The following ZC3H3 variants were observed in gnomAD, a reference collection of about 807,000 sequenced individuals.
ZC3H3 encodes the protein zinc finger CCCH domain-containing protein 3.
ZC3H3 carries 36 observed loss-of-function variants against 77.3 expected under a neutral mutation model. The ratio of observed to expected loss-of-function variants is 0.47; its 90% CI spans 0.36 to 0.61. ZC3H3 has a LOEUF of 0.61. Among genes scored for constraint, ZC3H3 ranks in the 20% least tolerant of loss-of-function variants. ZC3H3 has a pLI of 0.00. For synonymous variants in ZC3H3, 626 were observed against 555.2 expected, an observed-to-expected ratio of 1.13 and a Z score of -1.79; for missense variants, 1,331 against 1,312.2, an observed-to-expected ratio of 1.01 and a Z score of -0.22.
intron 4 of ZC3H3, 132 bp downstream of exon 4, chr8:143,507,614 C>T (rs1442463906): frequency 1.3e-5 from 15 of 1,116,824 alleles, no homozygotes; most frequent in Non-Finnish European, 1.7e-5. Flanking sequence ...CCCCAGCCAA[C>T]GAGCCCAACA....
At chr8:143,518,434 TC>T (rs1270844307) in intron 3 of ZC3H3, among the ~76,000 whole-genome samples, 2 of 152,200 alleles carry the variant, frequency 1.3e-5, no homozygotes, top group Non-Finnish European at 2.9e-5. Flanking sequence ...CAAGAAAGAC[TC>T]TTTGGAGAGA....
At chr8:143,515,845 T>C (rs565685453) in intron 3 of ZC3H3, among the ~76,000 whole-genome samples, 1 of 152,322 alleles carries the variant, frequency 6.6e-6, no homozygotes, top group Admixed American at 6.5e-5. Flanking sequence ...ACCGGCCGCC[T>C]CTACCTGTGC....
chr8:143,488,726 G>A (rs1288632067), intron 4 of ZC3H3, among the ~76,000 whole-genome samples: 1 of 152,222 alleles, frequency 6.6e-6, no homozygotes, highest in African/African-American at 2.4e-5. Flanking sequence ...AATCTCAAGA[G>A]ACTGGCAGAT....
chr8:143,477,233 G>C (rs1404193544), intron 4 of ZC3H3, among the ~76,000 whole-genome samples: 1 of 152,240 alleles, frequency 6.6e-6, no homozygotes, highest in Admixed American at 6.5e-5. Context: ...GAGCTGCAGT[G>C]TAAGTACAAG....
chr8:143,517,222 G>GT (rs1446165222), intron 3 of ZC3H3, among the ~76,000 whole-genome samples: 2 of 152,228 alleles, frequency 1.3e-5, no homozygotes, highest in African/African-American at 4.8e-5. Flanking sequence ...AGTTTGCTCC[G>GT]TGACAGTTGC....
chr8:143,439,161 C>G (rs990739203), intron 11 of ZC3H3, among the ~76,000 whole-genome samples: 14 of 151,932 alleles, frequency 9.2e-5, no homozygotes, highest in African/African-American at 3.4e-4. Context: ...CTCCCCGACC[C>G]CAGAGAGGCC....
intron 9 of ZC3H3, among the ~76,000 whole-genome samples, chr8:143,464,977 G>A (rs1016182742): frequency 3.3e-5 from 5 of 152,030 alleles, no homozygotes; most frequent in African/African-American, 7.3e-5. Flanking sequence ...CTGAGGCCAC[G>A]CTGCTTGTGG....
chr8:143,438,907 C>T (rs949159947), intron 11 of ZC3H3, among the ~76,000 whole-genome samples: 2 of 152,200 alleles, frequency 1.3e-5, no homozygotes, highest in Non-Finnish European at 2.9e-5. Context: ...CCTGCCCCTG[C>T]GGTGGCCGCT....
intron 9 of ZC3H3, among the ~76,000 whole-genome samples, chr8:143,455,418 C>G (rs1820090087): frequency 6.6e-6 from 1 of 151,820 alleles, no homozygotes; most frequent in Non-Finnish European, 1.5e-5. Context: ...ATCGCTTGAA[C>G]CCGGAAGGCA....
intron 4 of ZC3H3, among the ~76,000 whole-genome samples, chr8:143,492,280 A>T (rs1821228316): frequency 6.6e-6 from 1 of 152,076 alleles, no homozygotes; most frequent in Admixed American, 6.5e-5. Flanking sequence ...AAAACACCAC[A>T]GTCAGGGGAT....
intron 1 of ZC3H3, among the ~76,000 whole-genome samples, chr8:143,539,865 A>T (rs1822952082): frequency 6.6e-6 from 1 of 152,272 alleles, no homozygotes; most frequent in African/African-American, 2.4e-5. Flanking sequence ...TTCCCTGCAG[A>T]AGAGGAAACA....
In ZC3H3 at chr8:143,469,944, T is replaced by C. The variant is rs1586895253; in HGVS notation, c.1904-1285A>G. 2.0e-5 allele frequency among the ~76,000 whole-genome samples: 3 copies of C among 152,076 alleles called. No individual in the cohort carries two copies. In the East Asian group the frequency reaches 5.8e-4, roughly 29 times the overall value. On this transcript the variant is annotated intron_variant, in intron 5 of 11. Transcript: ENST00000262577. Reference sequence around the variant, plus strand: ...CAGAAATTCTGGGGACCTGAGGTGGTGACAAAGCCATCCTGGTTTAAAAAG... The same window carrying C: ...CAGAAATTCTGGGGACCTGAGGTGGCGACAAAGCCATCCTGGTTTAAAAAG...
In ZC3H3 at chr8:143,538,343, C is replaced by T. The variant is rs1233869747; in HGVS notation, c.1024G>A (p.Ala342Thr). 3.7e-6 allele frequency: 6 copies of T among 1,612,906 alleles called. No homozygotes were observed. The East Asian group carries it at 6.7e-5, about 18-fold the overall frequency. The change falls in exon 2 of 12, where the codon GCT becomes ACT. Residue 342 changes from alanine (A) to threonine (T), a missense_variant. This residue lies in a region of ZC3H3 where 978 missense variants were observed against 915.5 expected (regional missense o/e 1.07). Coordinates refer to ENST00000262577, the MANE Select transcript of ZC3H3 (RefSeq NM_015117.3). ...TTCTCCACCTTGTTTGCCATGCCAG[C>T]AGAGGCCTTGCACACATTCTCTGCA... ...VAAENVCKAS[A>T]GMANKVEKPQ... is the part of the protein sequence containing the mutation.
intron 4 of ZC3H3, among the ~76,000 whole-genome samples, chr8:143,504,325 G>A (rs1014654677): frequency 6.6e-6 from 1 of 152,138 alleles, no homozygotes; most frequent in Non-Finnish European, 1.5e-5. Flanking sequence ...GGGAGGGGAC[G>A]GGAAAAGAGG....
At chr8:143,482,359 C>T (rs555411839) in intron 4 of ZC3H3, among the ~76,000 whole-genome samples, 1 of 152,360 alleles carries the variant, frequency 6.6e-6, no homozygotes, top group South Asian at 2.1e-4. Flanking sequence ...ACCACTGCTG[C>T]ACCCCTGGCC....
intron 5 of ZC3H3, among the ~76,000 whole-genome samples, chr8:143,469,595 C>T (rs1206209957): frequency 5.3e-5 from 8 of 152,200 alleles, no homozygotes; most frequent in Non-Finnish European, 1.0e-4. Flanking sequence ...GGAGGGCGGC[C>T]TGGGAGTGCG....
intron 3 of ZC3H3, among the ~76,000 whole-genome samples, chr8:143,520,551 C>T (rs1170507592): frequency 1.3e-5 from 2 of 152,172 alleles, no homozygotes; most frequent in African/African-American, 2.4e-5. Context: ...TGGTTTCAGC[C>T]GGGCCCACCC....
At chr8:143,468,800 G>A (rs1416173656) in intron 5 of ZC3H3, 141 bp from the exon 6 acceptor site, 55 of 1,135,406 alleles carry the variant, frequency 4.8e-5, no homozygotes, top group Middle Eastern at 3.0e-4. Flanking sequence ...ACTGCCCAGA[G>A]CTCCCCTCCC....
At position 143,468,217 on chromosome 8, in the gene ZC3H3, T is replaced by C; in HGVS notation, c.2167A>G (p.Lys723Glu). 6.2e-7 allele frequency: 1 copy of C among 1,612,568 alleles called. No homozygotes were observed. Among genetic ancestry groups the C allele is most frequent in the African/African-American group, 1.3e-5 (1 of 75,028 alleles). The change falls in exon 8 of 12, where the codon AAG becomes GAG. Residue 723 changes from lysine to glutamate, a missense_variant. Physicochemically the swap from Lys to Glu is moderately conservative, Grantham distance 56 (BLOSUM62 1). Transcript: ENST00000262577. ...ACCAGCGCCGCACTCACCTTCTCCT[T>C]GGACACATGGTGGGAGAAGGGGCAG... Reference protein sequence around the residue: ...GTCPFSHHVSKEKMPVCSYFL... With the variant: ...GTCPFSHHVSEEKMPVCSYFL...
Sources: allele counts gnomAD v4.1 joint callset (sites outside exome capture counted in the v4.1 genomes callset), GRCh38; gene constraint gnomAD v4.1.1; regional missense constraint gnomAD v4.1.1; transcripts MANE v1.5; gene names NCBI Gene and HGNC (gene_info 2026-07-23, HGNC 2026-07-21).